ORC3: variants seen among roughly 807,000 people sequenced by gnomAD.
ORC3 encodes the protein origin recognition complex subunit 3.
A neutral mutation model predicts 100.7 loss-of-function variants in ORC3; 78 were observed. That is an observed-to-expected ratio of 0.77 (90% CI 0.65 to 0.94). The LOEUF (loss-of-function observed/expected upper bound fraction) is 0.94, where lower values mean the gene tolerates loss of function less well. ORC3 is among the 40% of genes least tolerant of loss of function. The pLI is 0.00. For missense variants in ORC3, 789 were observed against 823.9 expected, an observed-to-expected ratio of 0.96 and a Z score of 0.52; for synonymous variants, 295 against 289.3, an observed-to-expected ratio of 1.02 and a Z score of -0.20.
intron 13 of ORC3, 52 bp downstream of exon 13, chr6:87,636,538 G>T (rs1038277838): frequency 1.8e-6 from 2 of 1,130,858 alleles, no homozygotes; most frequent in Admixed American, 3.4e-5. Flanking sequence ...AAGCCTGCCA[G>T]TAAGTAGCAC....
intron 16 of ORC3, among the ~76,000 whole-genome samples, chr6:87,661,644 AGT>A (rs1770187367): frequency 1.3e-5 from 2 of 152,200 alleles, no homozygotes; most frequent in African/African-American, 4.8e-5. Context: ...TAATGTCCCC[AGT>A]GACTGGGCTG....
chr6:87,613,563 G>A (rs753909850), intron 8 of ORC3, among the ~76,000 whole-genome samples: 7 of 152,126 alleles, frequency 4.6e-5, no homozygotes, highest in East Asian at 1.9e-4. Flanking sequence ...AGTCTCATCC[G>A]AGACAAGGCA....
chr6:87,673,473 C>T, the ORC3 span, among the ~76,000 whole-genome samples: 1 of 152,072 alleles, frequency 6.6e-6, no homozygotes, highest in Non-Finnish European at 1.5e-5. Context: ...CAGCAATAGC[C>T]ACCACGACAA....
At chr6:87,597,555 A>G (rs1484100622) in intron 2 of ORC3, among the ~76,000 whole-genome samples, 1 of 152,150 alleles carries the variant, frequency 6.6e-6, no homozygotes, top group Non-Finnish European at 1.5e-5. Flanking sequence ...ATGATATGGA[A>G]TTAAGCATAC....
rs760493322 is a variant in ORC3, at chr6:87,664,778, G to A, written c.1869G>A (p.Pro623=). 41 of 1,613,944 alleles carry A rather than the reference G, an allele frequency of 2.5e-5. No homozygotes were observed. The highest frequency in any genetic ancestry group is 6.7e-5 in the East Asian group (3 of 44,892). The change falls in exon 18 of 20, where the codon CCG becomes CCA. Residue 623 remains proline (P), a synonymous_variant. Transcript: ENST00000392844. ...TGAAAAGCGAAGAAGGCTGCATTCC[G>A]AATATCGCCCCAGACATCTGCATAG... is the stretch of plus-strand genomic sequence containing the variant. ...EALKSEEGCI[P]NIAPDICIAY... is the part of the protein sequence containing the mutation.
chr6:87,664,754 G>A lies in ORC3; in HGVS notation c.1845G>A (p.Leu615=), dbSNP rs1582094927. The A allele has an allele frequency of 2.5e-6, 4 of 1,613,722 alleles. No individual in the cohort carries two copies. The highest frequency in any genetic ancestry group is 2.5e-6 in the Non-Finnish European group (3 of 1,179,634). The change falls in exon 18 of 20, where the codon CTG becomes CTA. Residue 615 remains leucine (L), a synonymous_variant. Transcript: ENST00000392844. ...CTGTTAATTGTTAGAATGAAGCACT[G>A]AAAAGCGAAGAAGGCTGCATTCCGA... ...NPYYYLKNEA[L]KSEEGCIPNI... is the part of the protein sequence containing the mutation.
Position 87,665,808 on chromosome 6 carries a change from T to C in ORC3, c.2005T>C (p.Ser669Pro). ...AEKMDANSATSEEMNEIIHAR... is the reference protein window; with the variant it reads ...AEKMDANSATPEEMNEIIHAR... ...AAAAATGGATGCAAATTCTGCAACC[T>C]CAGAAGAAATGAATGAAATTATCCA... is the stretch of plus-strand genomic sequence containing the variant. Residue 669 changes from serine (S) to proline (P), a missense_variant, in exon 19 of 20, where the codon TCA (serine) becomes CCA (proline). Ser to Pro is a moderately conservative substitution (Grantham distance 74). Transcript: ENST00000392844. The C allele has an allele frequency of 2.5e-6, 4 of 1,609,540 alleles. No individual in the cohort carries two copies. Among genetic ancestry groups the C allele is most frequent in the Non-Finnish European group, 3.4e-6 (4 of 1,176,186 alleles).
chr6:87,609,810 C>A (rs1472807931), intron 7 of ORC3, among the ~76,000 whole-genome samples: 1 of 151,990 alleles, frequency 6.6e-6, no homozygotes, highest in East Asian at 1.9e-4. Context: ...CCTCGGCCTC[C>A]CAAAGTGCTG....
rs1229812275 is a variant in ORC3 at position 87,634,947 on chromosome 6, C to G, written c.1288C>G (p.Pro430Ala). The change falls in exon 12 of 20, where the codon CCA becomes GCA. Residue 430 changes from proline to alanine, a missense_variant. Around this residue, in one of 3 missense-constraint regions of ORC3, gnomAD observed 366 missense variants for 394.2 expected, o/e 0.93. Transcript: ENST00000392844. ...GTTCACCTCTTCTCTTCCCAAGTAT[C>G]CACTAGGTCGACAGGTAATCCAAGC... Reference protein sequence around the residue: ...HKFTSSLPKYPLGRQIRELYC... With the variant: ...HKFTSSLPKYALGRQIRELYC... The G allele has an allele frequency of 6.5e-7, 1 of 1,538,746 alleles. No individual in the cohort carries two copies. The highest frequency in any genetic ancestry group is 1.1e-5 in the South Asian group (1 of 89,514).
At chr6:87,675,646 G>A in the ORC3 span, 1 of 1,610,946 alleles carries the variant, frequency 6.2e-7, no homozygotes, top group Non-Finnish European at 8.5e-7. Context: ...CAAAATACAG[G>A]TCAAAATCCA....
intron 13 of ORC3, among the ~76,000 whole-genome samples, chr6:87,647,942 G>A (rs1224202574): frequency 1.3e-5 from 2 of 152,236 alleles, no homozygotes; most frequent in African/African-American, 4.8e-5. Context: ...GCTCATGCCT[G>A]TAATCCCAGC....
At chr6:87,671,640 A>G (rs57573658), downstream of ORC3, among the ~76,000 whole-genome samples, 25,367 of 152,048 alleles carry the variant, frequency 0.17, 2,223 homozygotes, top group African/African-American at 0.22. Context: ...GGCCAACAGC[A>G]AGACAGAGAA....
chr6:87,594,677 T>A, intron 2 of ORC3: 2 of 537,104 alleles, frequency 3.7e-6, no homozygotes, highest in Non-Finnish European at 5.1e-6. Context: ...ATTGTCTTTT[T>A]GATTACTTCT....
chr6:87,607,532 C>T, intron 5 of ORC3, 141 bp from the exon 6 acceptor site: 1 of 592,056 alleles, frequency 1.7e-6, no homozygotes, highest in Non-Finnish European at 3.0e-6. Flanking sequence ...TTAAATGTTA[C>T]ATTAGCTGTA....
At position 87,601,844 on chromosome 6, in the gene ORC3, A is replaced by G. The variant is rs759224108; in HGVS notation, c.140A>G (p.Tyr47Cys). Residue 47 changes from tyrosine to cysteine, a missense_variant, in exon 3 of 20, where the codon TAT becomes TGT. Coordinates refer to ENST00000392844, the MANE Select transcript of ORC3 (RefSeq NM_012381.4). Reference protein sequence around the residue: ...PEDSKLRFETYQLIWQQMKSE... With the variant: ...PEDSKLRFETCQLIWQQMKSE... ...GACAGTAAGCTTCGATTCGAAACTT[A>G]TCAGTTGATATGGCAGCAGATGAAA... is the stretch of plus-strand genomic sequence containing the variant. 1.9e-6 allele frequency: 3 copies of G among 1,610,712 alleles called. No homozygotes were observed. The highest frequency in any genetic ancestry group is 3.3e-5 in the Admixed American group (2 of 59,978).
intron 18 of ORC3, among the ~76,000 whole-genome samples, chr6:87,665,180 G>A (rs1011795157): frequency 1.3e-5 from 2 of 152,020 alleles, no homozygotes; most frequent in Non-Finnish European, 2.9e-5. Context: ...GGTCAGTTCT[G>A]TTATTTCACA....
At chr6:87,656,529 G>A (rs1769704494) in intron 14 of ORC3, among the ~76,000 whole-genome samples, 1 of 152,110 alleles carries the variant, frequency 6.6e-6, no homozygotes, top group African/African-American at 2.4e-5. Flanking sequence ...GGAGGTTGCA[G>A]TGAGCCAAGA....
At chr6:87,612,334 C>G in intron 8 of ORC3, 86 bp downstream of exon 8, 1 of 769,532 alleles carries the variant, frequency 1.3e-6, no homozygotes. Flanking sequence ...AACAATAAGC[C>G]TCTACAACTC....
At chr6:87,675,955 T>A in the ORC3 span, 27 of 1,590,736 alleles carry the variant, frequency 1.7e-5, no homozygotes, top group Non-Finnish European at 2.3e-5. Flanking sequence ...TACTTGTCAA[T>A]TACATTTGTA....
Sources: gnomAD v4.1 joint callset for allele counts (sites outside exome capture counted in the v4.1 genomes callset) on GRCh38, gnomAD v4.1.1 for gene constraint, gnomAD v4.1.1 regional missense constraint, MANE v1.5 for transcripts, NCBI Gene and HGNC (gene_info 2026-07-23, HGNC 2026-07-21) for gene names.